LRRC4C: variants seen among roughly 807,000 people sequenced by gnomAD.
LRRC4C encodes the protein leucine-rich repeat-containing protein 4C.
A neutral mutation model predicts 33.6 loss-of-function variants in LRRC4C; 5 were observed. The ratio of observed to expected loss-of-function variants is 0.15; its 90% CI spans 0.08 to 0.31. The LOEUF is 0.31. LRRC4C is among the 10% of genes least tolerant of loss of function. The probability of loss-of-function intolerance (pLI) is 1.00; values close to 1 mark genes in which losing one functional copy is unlikely to be tolerated. For missense variants in LRRC4C, 560 were observed against 796.7 expected (o/e 0.70, Z 3.58); for synonymous variants, 329 against 302.0 (o/e 1.09, Z -0.93).
intron 3 of LRRC4C, among the ~76,000 whole-genome samples, chr11:40,614,927 A>C (rs927383593): frequency 6.6e-6 from 1 of 151,578 alleles, no homozygotes; most frequent in African/African-American, 2.4e-5. Context: ...AGCAACATCT[A>C]AGATAAGTGA....
intron 3 of LRRC4C, among the ~76,000 whole-genome samples, chr11:40,324,542 G>A (rs74956389): frequency 0.012 from 1,751 of 152,212 alleles, 16 homozygotes; most frequent in Non-Finnish European, 0.019. Context: ...ACTCATTTGC[G>A]AAAAACAATA....
At chr11:40,364,192 C>T (rs971086241) in intron 3 of LRRC4C, among the ~76,000 whole-genome samples, 1 of 151,870 alleles carries the variant, frequency 6.6e-6, no homozygotes, top group Non-Finnish European at 1.5e-5. Context: ...ACAACAACAA[C>T]AACAAGAAAA....
chr11:41,157,247 G>A (rs1410148793), intron 1 of LRRC4C, among the ~76,000 whole-genome samples: 2 of 152,176 alleles, frequency 1.3e-5, no homozygotes, highest in Non-Finnish European at 1.5e-5. Flanking sequence ...AGAAACAAAG[G>A]TTTTTATAAG....
chr11:40,687,132 G>T (rs1272965324), intron 2 of LRRC4C, among the ~76,000 whole-genome samples: 1 of 152,136 alleles, frequency 6.6e-6, no homozygotes. Flanking sequence ...TTGACATTGT[G>T]GTTTTTAAGG....
chr11:40,924,674 A>C (rs982803219), intron 2 of LRRC4C, among the ~76,000 whole-genome samples: 2 of 152,180 alleles, frequency 1.3e-5, no homozygotes, highest in Non-Finnish European at 1.5e-5. Flanking sequence ...GAAATGATAA[A>C]TATTTAAGGT....
At chr11:40,884,024 G>A (rs545304860) in intron 2 of LRRC4C, among the ~76,000 whole-genome samples, 2 of 151,452 alleles carry the variant, frequency 1.3e-5, no homozygotes, top group Non-Finnish European at 2.9e-5. Flanking sequence ...TTTAAGCCCC[G>A]CATGCATTAT....
chr11:41,269,456 C>G (rs547192559), intron 1 of LRRC4C, among the ~76,000 whole-genome samples: 29 of 152,002 alleles, frequency 1.9e-4, no homozygotes, highest in African/African-American at 6.3e-4. Flanking sequence ...GAGAAGGGAC[C>G]AGTTTATTAA....
At chr11:40,692,187 T>C (rs772838714) in intron 2 of LRRC4C, among the ~76,000 whole-genome samples, 3 of 151,976 alleles carry the variant, frequency 2.0e-5, no homozygotes, top group Non-Finnish European at 2.9e-5. Context: ...ATACAATGTG[T>C]CAATTCCCCA....
chr11:41,147,160 T>C (rs1238902184), intron 1 of LRRC4C, among the ~76,000 whole-genome samples: 1 of 152,236 alleles, frequency 6.6e-6, no homozygotes, highest in Non-Finnish European at 1.5e-5. Flanking sequence ...ATTCTCTTTT[T>C]GGTATTCCAT....
At chr11:40,898,868 A>C (rs1592030447) in intron 2 of LRRC4C, among the ~76,000 whole-genome samples, 2 of 152,270 alleles carry the variant, frequency 1.3e-5, no homozygotes, top group East Asian at 3.9e-4. Flanking sequence ...TCATAAGCAC[A>C]GACCTGTCAC....
intron 2 of LRRC4C, among the ~76,000 whole-genome samples, chr11:40,761,355 T>C (rs780945035): frequency 2.6e-5 from 4 of 152,154 alleles, no homozygotes; most frequent in Non-Finnish European, 5.9e-5. Context: ...GCACACAGCC[T>C]GAAACATTGC....
At chr11:41,318,252 A>G (rs769971619) in intron 1 of LRRC4C, among the ~76,000 whole-genome samples, 7 of 151,782 alleles carry the variant, frequency 4.6e-5, no homozygotes, top group African/African-American at 7.3e-5. Flanking sequence ...GATTTGATGT[A>G]ACTATTTTCT....
At chr11:41,157,878 C>CAA (rs1944302714) in intron 1 of LRRC4C, among the ~76,000 whole-genome samples, 1 of 151,826 alleles carries the variant, frequency 6.6e-6, no homozygotes, top group Non-Finnish European at 1.5e-5. Context: ...ATCCCCCAAG[C>CAA]GTTTATCCAT....
intron 2 of LRRC4C, among the ~76,000 whole-genome samples, chr11:40,750,689 A>T (rs1213526511): frequency 6.7e-6 from 1 of 150,322 alleles, no homozygotes; most frequent in Admixed American, 6.6e-5. Flanking sequence ...GCATTAGGAG[A>T]TATACCTAAT....
chr11:40,223,391 CA>C (rs1229727478), intron 5 of LRRC4C, among the ~76,000 whole-genome samples: 3 of 152,090 alleles, frequency 2.0e-5, no homozygotes, highest in African/African-American at 7.2e-5. Context: ...CAGCAAACGA[CA>C]AAAAGAAACA....
chr11:40,318,301 C>T (rs1186282975), intron 4 of LRRC4C, among the ~76,000 whole-genome samples: 1 of 152,004 alleles, frequency 6.6e-6, no homozygotes, highest in Non-Finnish European at 1.5e-5. Flanking sequence ...GCCTTTACTG[C>T]TCCAGTCTAG....
chr11:41,042,941 G>C (rs1333170227), intron 1 of LRRC4C, among the ~76,000 whole-genome samples: 3 of 149,284 alleles, frequency 2.0e-5, no homozygotes, highest in Non-Finnish European at 4.4e-5. Context: ...GCAATTACTA[G>C]ATGAAAGGAG....
chr11:41,047,083 C>T (rs2138064840), intron 1 of LRRC4C, among the ~76,000 whole-genome samples: 1 of 152,138 alleles, frequency 6.6e-6, no homozygotes, highest in East Asian at 1.9e-4. Flanking sequence ...AAGCAAACCA[C>T]AGAATGTGAC....
chr11:41,065,972 A>C (rs1938203876), intron 1 of LRRC4C, among the ~76,000 whole-genome samples: 1 of 152,200 alleles, frequency 6.6e-6, no homozygotes, highest in East Asian at 1.9e-4. Flanking sequence ...CAATGCAAAA[A>C]TGCTGAAAAT....
Sources: gnomAD v4.1 joint callset for allele counts (sites outside exome capture counted in the v4.1 genomes callset) on GRCh38, gnomAD v4.1.1 for gene constraint, MANE v1.5 for transcripts, NCBI Gene and HGNC (gene_info 2026-07-23, HGNC 2026-07-21) for gene names.